SORCS2: variants seen among roughly 807,000 people sequenced by gnomAD.
The protein encoded by SORCS2 is sortilin related VPS10 domain containing receptor 2.
A neutral mutation model predicts 141.6 loss-of-function variants in SORCS2; 100 were observed. The observed-to-expected ratio is 0.71, with a 90% CI of 0.60 to 0.83. The LOEUF is 0.83. Among genes scored for constraint, SORCS2 ranks in the 40% least tolerant of loss-of-function variants. The pLI is 0.00. For synonymous variants in SORCS2, 789 were observed against 676.9 expected (o/e 1.17, Z -2.57); for missense variants, 1,646 against 1,560.2 (o/e 1.05, Z -0.93).
At chr4:7,610,256 C>T (rs1304715535) in intron 3 of SORCS2, among the ~76,000 whole-genome samples, 1 of 152,216 alleles carries the variant, frequency 6.6e-6, no homozygotes, top group African/African-American at 2.4e-5. Context: ...CCACCCCTCC[C>T]TGCCACATGT....
intron 3 of SORCS2, among the ~76,000 whole-genome samples, chr4:7,629,541 C>G (rs549662527): frequency 4.5e-4 from 69 of 152,138 alleles, no homozygotes; most frequent in African/African-American, 1.6e-3. Context: ...CCTGGCCACT[C>G]TCCAGCGCCC....
chr4:7,601,671 G>GTTTGTTTGTAT (rs368714594), intron 3 of SORCS2, among the ~76,000 whole-genome samples: 1 of 129,980 alleles, frequency 7.7e-6, no homozygotes, highest in Non-Finnish European at 1.7e-5. Context: ...TTGTTTGTTT[G>GTTTGTTTGTAT]TTTGTTTTTT....
intron 1 of SORCS2, among the ~76,000 whole-genome samples, chr4:7,248,336 T>TC (rs567076142): frequency 3.3e-5 from 5 of 152,004 alleles, no homozygotes; most frequent in Middle Eastern, 3.4e-3. Flanking sequence ...CAGGTCACCG[T>TC]GGGGGGGCCC....
intron 1 of SORCS2, among the ~76,000 whole-genome samples, chr4:7,319,100 T>C (rs1292380299): frequency 1.3e-5 from 2 of 152,252 alleles, no homozygotes; most frequent in African/African-American, 4.8e-5. Context: ...TATTCCATTG[T>C]ATGAATAAAC....
At chr4:7,603,391 C>T (rs548422221) in intron 3 of SORCS2, among the ~76,000 whole-genome samples, 9 of 152,150 alleles carry the variant, frequency 5.9e-5, no homozygotes, top group African/African-American at 1.7e-4. Context: ...ATTTGTGGAC[C>T]GATTTTCTCC....
At chr4:7,614,339 A>G (rs893141244) in intron 3 of SORCS2, among the ~76,000 whole-genome samples, 1 of 145,746 alleles carries the variant, frequency 6.9e-6, no homozygotes, top group African/African-American at 2.6e-5. Context: ...CCTCTCATCT[A>G]CTGTTCATCC....
chr4:7,594,799 G>C (rs1016244824), intron 3 of SORCS2, among the ~76,000 whole-genome samples: 3 of 152,048 alleles, frequency 2.0e-5, no homozygotes, highest in Admixed American at 6.5e-5. Flanking sequence ...ACGATGGGGC[G>C]AGGGTCACAG....
chr4:7,488,806 G>C (rs1028063747), intron 2 of SORCS2, among the ~76,000 whole-genome samples: 4 of 152,216 alleles, frequency 2.6e-5, no homozygotes, highest in Admixed American at 6.5e-5. Context: ...CTGAGCACTT[G>C]GATGAGATGA....
intron 24 of SORCS2, 69 bp from the exon 25 acceptor site, chr4:7,734,203 G>T: frequency 8.5e-7 from 1 of 1,183,194 alleles, no homozygotes; most frequent in Non-Finnish European, 1.2e-6. Flanking sequence ...GGACAGACGG[G>T]ATGGGCTGGG....
chr4:7,641,590 A>G (rs1720730015), intron 4 of SORCS2, among the ~76,000 whole-genome samples: 2 of 152,172 alleles, frequency 1.3e-5, no homozygotes, highest in Admixed American at 1.3e-4. Context: ...CAATACATGC[A>G]ATTGGGGTAA....
At chr4:7,477,870 A>C (rs1441917417) in intron 2 of SORCS2, among the ~76,000 whole-genome samples, 2 of 152,182 alleles carry the variant, frequency 1.3e-5, no homozygotes, top group African/African-American at 2.4e-5. Flanking sequence ...AGAGTCCCCG[A>C]GTAGAGGGTG....
At chr4:7,612,672 G>A (rs1422547169) in intron 3 of SORCS2, among the ~76,000 whole-genome samples, 1 of 152,214 alleles carries the variant, frequency 6.6e-6, no homozygotes, top group Non-Finnish European at 1.5e-5. Flanking sequence ...CTTCTTTCTG[G>A]GGCCTGGTCT....
intron 1 of SORCS2, among the ~76,000 whole-genome samples, chr4:7,291,536 C>T (rs1032205626): frequency 1.3e-5 from 2 of 152,088 alleles, no homozygotes; most frequent in South Asian, 2.1e-4. Flanking sequence ...TTTTGGGCCC[C>T]GGGCTGTGGG....
At chr4:7,602,747 C>T (rs1202509601) in intron 3 of SORCS2, among the ~76,000 whole-genome samples, 2 of 152,102 alleles carry the variant, frequency 1.3e-5, no homozygotes, top group African/African-American at 2.4e-5. Flanking sequence ...CCTCACTTCC[C>T]AGACGGGGTG....
intron 1 of SORCS2, among the ~76,000 whole-genome samples, chr4:7,244,749 C>T (rs1403964105): frequency 6.6e-6 from 1 of 152,236 alleles, no homozygotes; most frequent in African/African-American, 2.4e-5. Context: ...CTTGTTTAAA[C>T]AATTAGGGGT....
intron 1 of SORCS2, among the ~76,000 whole-genome samples, chr4:7,222,224 A>T (rs1041635361): frequency 6.6e-6 from 1 of 152,228 alleles, no homozygotes. Context: ...TGGTACCTAA[A>T]GGTGAGACAA....
chr4:7,280,011 C>G (rs1715764916), intron 1 of SORCS2, among the ~76,000 whole-genome samples: 1 of 152,092 alleles, frequency 6.6e-6, no homozygotes, highest in Non-Finnish European at 1.5e-5. Flanking sequence ...ACTGACTGGA[C>G]TCAGATCAAA....
intron 2 of SORCS2, among the ~76,000 whole-genome samples, chr4:7,469,726 T>C (rs1466740850): frequency 3.3e-5 from 5 of 152,202 alleles, no homozygotes; most frequent in Admixed American, 6.5e-5. Context: ...CTCCTGTGTC[T>C]GCTTAAAAAG....
At chr4:7,280,053 A>G (rs971309207) in intron 1 of SORCS2, among the ~76,000 whole-genome samples, 2 of 152,130 alleles carry the variant, frequency 1.3e-5, no homozygotes, top group African/African-American at 4.8e-5. Flanking sequence ...ATAATTTGGG[A>G]TCATTCACGG....
Sources: allele counts gnomAD v4.1 joint callset (sites outside exome capture counted in the v4.1 genomes callset), GRCh38; gene constraint gnomAD v4.1.1; transcripts MANE v1.5; gene names NCBI Gene and HGNC (gene_info 2026-07-23, HGNC 2026-07-21).